Variants in WWOX observed in about 807,000 individuals in gnomAD.
WWOX encodes WW domain containing oxidoreductase, also known as WW domain-containing oxidoreductase.
A neutral mutation model predicts 46.2 loss-of-function variants in WWOX; 69 were observed. The ratio of observed to expected loss-of-function variants is 1.49; its 90% CI spans 1.23 to 1.82. WWOX has a LOEUF of 1.82. Among genes scored for constraint, WWOX ranks in the 40% most tolerant of loss-of-function variants. The pLI is 0.00. For missense variants in WWOX, 919 were observed against 542.6 expected, an observed-to-expected ratio of 1.69 and a Z score of -6.89; for synonymous variants, 359 against 202.6, an observed-to-expected ratio of 1.77 and a Z score of -6.56.
At chr16:78,493,656 T>C (rs1457933963) in intron 8 of WWOX, among the ~76,000 whole-genome samples, 1 of 152,200 alleles carries the variant, frequency 6.6e-6, no homozygotes, top group Non-Finnish European at 1.5e-5. Flanking sequence ...TGCACTTATA[T>C]GTATAGAAGC....
intron 8 of WWOX, among the ~76,000 whole-genome samples, chr16:78,694,712 T>G (rs1302713796): frequency 6.6e-6 from 1 of 152,252 alleles, no homozygotes; most frequent in African/African-American, 2.4e-5. Flanking sequence ...AGAATTCATA[T>G]GTGAACAGAT....
intron 8 of WWOX, among the ~76,000 whole-genome samples, chr16:79,041,963 G>T (rs1218424375): frequency 8.6e-5 from 13 of 152,006 alleles, no homozygotes; most frequent in African/African-American, 2.9e-4. Context: ...AAATGAATGG[G>T]AAGTTCACCC....
chr16:78,979,423 C>G (rs1412139918), intron 8 of WWOX, among the ~76,000 whole-genome samples: 1 of 152,148 alleles, frequency 6.6e-6, no homozygotes, highest in Non-Finnish European at 1.5e-5. Context: ...ATGTCTGTCT[C>G]GGAATACGTA....
intron 8 of WWOX, among the ~76,000 whole-genome samples, chr16:78,914,825 GC>G (rs2045205963): frequency 6.8e-6 from 1 of 146,052 alleles, no homozygotes; most frequent in African/African-American, 2.5e-5. Context: ...CTTGCAGTGA[GC>G]CAGGATCGCG....
chr16:78,655,926 G>T (rs1344384168), intron 8 of WWOX, among the ~76,000 whole-genome samples: 1 of 152,010 alleles, frequency 6.6e-6, no homozygotes, highest in African/African-American at 2.4e-5. Context: ...GGTTATCTTT[G>T]TGCATCTTAA....
intron 8 of WWOX, among the ~76,000 whole-genome samples, chr16:78,893,183 A>T (rs546363470): frequency 6.2e-4 from 94 of 150,966 alleles, no homozygotes; most frequent in African/African-American, 2.2e-3. Context: ...AGATGGAATG[A>T]CTATAGCTAG....
intron 5 of WWOX, among the ~76,000 whole-genome samples, chr16:78,242,832 AC>A (rs2037699114): frequency 6.6e-6 from 1 of 152,148 alleles, no homozygotes; most frequent in Non-Finnish European, 1.5e-5. Context: ...ACATGGTGAA[AC>A]CCTATCTCTA....
intron 5 of WWOX, chr16:78,167,184 T>A (rs1026313329): frequency 6.6e-6 from 1 of 152,196 alleles, no homozygotes; most frequent in Admixed American, 6.5e-5. Context: ...CATCTGCATT[T>A]ATCCTATTTT....
Position 78,143,540 on chromosome 16 carries a change from G to C in WWOX, c.410-20643G>C, listed in dbSNP as rs555768624. Among the ~76,000 whole-genome samples, 15 of 152,270 alleles carry C rather than the reference G, an allele frequency of 9.9e-5. No individual in the cohort carries two copies. The East Asian group carries it at 2.9e-3, about 29-fold the overall frequency. ...TGGCTGCTTTCACATCATAACAGCA[G>C]AATTGAGTAGCTGTGAGACCCTATG... is the stretch of plus-strand genomic sequence containing the variant. On this transcript the variant is annotated intron_variant, in intron 4 of 8. Coordinates refer to ENST00000566780, the MANE Select transcript of WWOX (RefSeq NM_016373.4).
intron 8 of WWOX, among the ~76,000 whole-genome samples, chr16:78,932,768 A>G (rs550369046): frequency 4.6e-5 from 7 of 152,302 alleles, no homozygotes; most frequent in Admixed American, 1.3e-4. Flanking sequence ...GGACCTTCCC[A>G]GAAGAGAGAT....
intron 8 of WWOX, among the ~76,000 whole-genome samples, chr16:79,030,949 G>A (rs181792570): frequency 6.6e-6 from 1 of 151,992 alleles, no homozygotes; most frequent in African/African-American, 2.4e-5. Flanking sequence ...TAAATTGGCT[G>A]GGTATGGTGG....
intron 8 of WWOX, among the ~76,000 whole-genome samples, chr16:79,173,766 C>G (rs1361420847): frequency 6.6e-6 from 1 of 151,868 alleles, no homozygotes; most frequent in Non-Finnish European, 1.5e-5. Flanking sequence ...AATAAAATGA[C>G]AGTTGGAAAA....
At chr16:79,096,845 G>A (rs2049084628) in intron 8 of WWOX, among the ~76,000 whole-genome samples, 1 of 152,100 alleles carries the variant, frequency 6.6e-6, no homozygotes, top group South Asian at 2.1e-4. Flanking sequence ...ATAAGAAGAA[G>A]GAGCTTGAAG....
chr16:79,043,708 G>A (rs1464452118), intron 8 of WWOX, among the ~76,000 whole-genome samples: 1 of 152,204 alleles, frequency 6.6e-6, no homozygotes, highest in Non-Finnish European at 1.5e-5. Context: ...CTGGGCAGAG[G>A]AAGATTCATA....
At chr16:79,092,477 G>C (rs1224802668) in intron 8 of WWOX, among the ~76,000 whole-genome samples, 1 of 152,124 alleles carries the variant, frequency 6.6e-6, no homozygotes, top group Non-Finnish European at 1.5e-5. Context: ...CTCACCACCA[G>C]GCTGACCCTA....
chr16:78,511,055 T>C (rs909400160), intron 8 of WWOX, among the ~76,000 whole-genome samples: 52 of 152,338 alleles, frequency 3.4e-4, no homozygotes, highest in Non-Finnish European at 3.5e-4. Flanking sequence ...TGGTTCATAC[T>C]GCGTGTTTAT....
At chr16:79,156,842 T>TTTTTTTTTTTTTTTTTTTTGAGA (rs1218505445) in intron 8 of WWOX, among the ~76,000 whole-genome samples, 5 of 151,892 alleles carry the variant, frequency 3.3e-5, no homozygotes, top group African/African-American at 1.2e-4. Context: ...ACCTTTTATT[T>TTTTTTTTTTTTTTTTTTTTGAGA]CATCTTCTCT....
intron 5 of WWOX, among the ~76,000 whole-genome samples, chr16:78,354,398 C>T (rs1022270932): frequency 6.8e-6 from 1 of 146,924 alleles, no homozygotes; most frequent in Non-Finnish European, 1.5e-5. Context: ...TCCAGAGGGA[C>T]TCAGGCACTT....
At chr16:78,638,620 G>A (rs566968619) in intron 8 of WWOX, among the ~76,000 whole-genome samples, 19 of 152,290 alleles carry the variant, frequency 1.2e-4, no homozygotes, top group South Asian at 1.2e-3. Context: ...TAATGCTTCT[G>A]ACTTTTCCAT....
Sources: gnomAD v4.1 joint callset for allele counts (sites outside exome capture counted in the v4.1 genomes callset) on GRCh38, gnomAD v4.1.1 for gene constraint, MANE v1.5 for transcripts, NCBI Gene and HGNC (gene_info 2026-07-23, HGNC 2026-07-21) for gene names.